The following ATXN7L1 variants were observed in gnomAD, a reference collection of about 807,000 sequenced individuals.
The protein encoded by ATXN7L1 is ataxin 7 like 1.
ATXN7L1 carries 15 observed loss-of-function variants against 70.8 expected under a neutral mutation model. That is an observed-to-expected ratio of 0.21 (90% confidence interval 0.14 to 0.33). ATXN7L1 has a LOEUF of 0.33. Ranked by LOEUF, ATXN7L1 falls within the 10% of genes least tolerant of loss-of-function variation. The pLI, the probability that ATXN7L1 is intolerant of heterozygous loss-of-function variation, is 1.00. For synonymous variants in ATXN7L1, 440 were observed against 445.1 expected, an observed-to-expected ratio of 0.99 and a Z score of 0.14; for missense variants, 975 against 1,097.1, an observed-to-expected ratio of 0.89 and a Z score of 1.57.
intron 2 of ATXN7L1, among the ~76,000 whole-genome samples, chr7:105,835,708 C>G (rs1038029010): frequency 7.2e-5 from 11 of 152,280 alleles, no homozygotes; most frequent in African/African-American, 2.4e-4. Flanking sequence ...GACAGTTTCT[C>G]TTCTGGCCAA....
chr7:105,770,462 C>T (rs991440199), intron 3 of ATXN7L1, among the ~76,000 whole-genome samples: 2 of 152,168 alleles, frequency 1.3e-5, no homozygotes, highest in African/African-American at 4.8e-5. Context: ...ACATAAATTA[C>T]CAGGAAGCCT....
chr7:105,799,478 T>A (rs1806489228), intron 2 of ATXN7L1, among the ~76,000 whole-genome samples: 1 of 72,762 alleles, frequency 1.4e-5, no homozygotes, highest in Admixed American at 1.5e-4. Flanking sequence ...ATGGTCTTAA[T>A]GGGTCCTACT....
chr7:105,822,725 C>T (rs931157101), intron 2 of ATXN7L1, among the ~76,000 whole-genome samples: 15 of 152,136 alleles, frequency 9.9e-5, no homozygotes, highest in African/African-American at 3.6e-4. Context: ...AGTAGCTTGC[C>T]CAGTATCTCA....
intron 3 of ATXN7L1, among the ~76,000 whole-genome samples, chr7:105,759,178 A>G (rs1296280501): frequency 8.6e-5 from 10 of 116,734 alleles, no homozygotes; most frequent in African/African-American, 3.0e-4. Context: ...TTTTTTTTTA[A>G]TCCAGGTACC....
chr7:105,819,627 C>T, intron 2 of ATXN7L1: 2 of 879,452 alleles, frequency 2.3e-6, no homozygotes, highest in Non-Finnish European at 3.8e-6. Flanking sequence ...CATTTCTGGC[C>T]ATTTCTACAG....
At chr7:105,697,949 G>A (rs541329603) in intron 3 of ATXN7L1, among the ~76,000 whole-genome samples, 37 of 152,340 alleles carry the variant, frequency 2.4e-4, no homozygotes, top group Admixed American at 1.5e-3. Flanking sequence ...ATGTGGAAGA[G>A]GAAGCTGGGC....
chr7:105,750,023 G>A (rs192909622), intron 3 of ATXN7L1, among the ~76,000 whole-genome samples: 2 of 151,884 alleles, frequency 1.3e-5, no homozygotes, highest in East Asian at 3.9e-4. Context: ...TACCCCACAG[G>A]AACCTATGAG....
chr7:105,725,419 T>G (rs1416502609), intron 3 of ATXN7L1, among the ~76,000 whole-genome samples: 1 of 152,188 alleles, frequency 6.6e-6, no homozygotes, highest in Admixed American at 6.5e-5. Context: ...GCTGCCTCAC[T>G]AACCTTTAGA....
At chr7:105,797,772 C>A (rs907814381) in intron 2 of ATXN7L1, among the ~76,000 whole-genome samples, 80 of 152,256 alleles carry the variant, frequency 5.3e-4, no homozygotes, top group Admixed American at 1.3e-4. Flanking sequence ...CCTCCTGGTG[C>A]GCCCTCACTC....
At chr7:105,873,620 C>T (rs1818600736) in intron 2 of ATXN7L1, among the ~76,000 whole-genome samples, 1 of 152,158 alleles carries the variant, frequency 6.6e-6, no homozygotes, top group South Asian at 2.1e-4. Flanking sequence ...AAGTCTGTTC[C>T]ACCAGGCCTG....
intron 3 of ATXN7L1, among the ~76,000 whole-genome samples, chr7:105,783,872 T>TG (rs1803888064): frequency 6.6e-6 from 1 of 152,206 alleles, no homozygotes; most frequent in South Asian, 2.1e-4. Context: ...GGGGACCTAT[T>TG]ACTTGTGACT....
chr7:105,682,738 T>C (rs1584711199), intron 3 of ATXN7L1, among the ~76,000 whole-genome samples: 1 of 151,862 alleles, frequency 6.6e-6, no homozygotes, highest in African/African-American at 2.4e-5. Flanking sequence ...AATAGGTAAA[T>C]CCATAGATAA....
chr7:105,814,922 C>T (rs1158442616), intron 2 of ATXN7L1, among the ~76,000 whole-genome samples: 1 of 152,134 alleles, frequency 6.6e-6, no homozygotes, highest in South Asian at 2.1e-4. Flanking sequence ...CAGTCTAGAA[C>T]AATCAGTTCG....
chr7:105,614,155 C>A lies in ATXN7L1; in HGVS notation c.2179G>T (p.Ala727Ser), dbSNP rs761335657. The A allele has an allele frequency of 1.9e-6, 3 of 1,551,526 alleles. No individual in the cohort carries two copies. In the African/African-American group the frequency reaches 4.1e-5, roughly 21 times the overall value. ...GCGCCCACCTGTCTCACTATGTCCG[C>A]GGGGCCGCCGGGCAGCGAGGTCCGT... ...SGRTSLPGGP[A>S]DIVRQVGAVG... The change falls in exon 10 of 12, where the codon GCG becomes TCG. Residue 727 changes from alanine (A) to serine (S), a missense_variant. Physicochemically the swap from Ala to Ser is moderately conservative, Grantham distance 99. This residue lies in a region of ATXN7L1 where 635 missense variants were observed against 699.4 expected (regional missense o/e 0.91). Transcript: ENST00000419735. This position sits in a 1 kb window ranked among gnomAD's most constrained non-coding sequence, Gnocchi z 4.3.
At chr7:105,608,147 G>A (rs543115469) in intron 11 of ATXN7L1, among the ~76,000 whole-genome samples, 43 of 152,302 alleles carry the variant, frequency 2.8e-4, no homozygotes, top group African/African-American at 9.6e-4. Context: ...GACGAATGCC[G>A]CGGACATTCC....
chr7:105,644,002 T>C (rs1420392090), intron 4 of ATXN7L1, among the ~76,000 whole-genome samples: 3 of 152,226 alleles, frequency 2.0e-5, no homozygotes, highest in South Asian at 2.1e-4. Context: ...CTTTGGTCCC[T>C]GAGCTAGATT....
At chr7:105,697,267 T>C (rs562996060) in intron 3 of ATXN7L1, among the ~76,000 whole-genome samples, 2 of 152,088 alleles carry the variant, frequency 1.3e-5, no homozygotes, top group South Asian at 4.2e-4. Flanking sequence ...GAGACTGGAG[T>C]CTATCTCACC....
chr7:105,661,535 A>T (rs1465631599), intron 4 of ATXN7L1, among the ~76,000 whole-genome samples: 2 of 152,152 alleles, frequency 1.3e-5, no homozygotes, highest in African/African-American at 4.8e-5. Flanking sequence ...AAGTAAAGTG[A>T]CTTTTTCAAG....
At chr7:105,776,130 C>A (rs554366281) in intron 3 of ATXN7L1, among the ~76,000 whole-genome samples, 1 of 152,266 alleles carries the variant, frequency 6.6e-6, no homozygotes, top group South Asian at 2.1e-4. Context: ...TGTTTGTTAC[C>A]CGAATTCTCC....
Sources: gnomAD v4.1 joint callset for allele counts (sites outside exome capture counted in the v4.1 genomes callset) on GRCh38, gnomAD v4.1.1 for gene constraint, gnomAD v4.1.1 regional missense constraint, Gnocchi (gnomAD v3.1) non-coding constraint, MANE v1.5 for transcripts, NCBI Gene and HGNC (gene_info 2026-07-23, HGNC 2026-07-21) for gene names.